KCNH8: variants seen among roughly 807,000 people sequenced by gnomAD.
KCNH8 encodes the protein potassium voltage-gated channel subfamily H member 8.
Under a neutral mutation model 103.6 loss-of-function variants are expected in KCNH8, and 70 were observed. That is an observed-to-expected ratio of 0.68 (90% CI 0.56 to 0.82). The LOEUF is 0.82. Among genes scored for constraint, KCNH8 ranks in the 40% least tolerant of loss-of-function variants. KCNH8 has a pLI of 0.00. For missense variants in KCNH8, 1,217 were observed against 1,329.9 expected, an observed-to-expected ratio of 0.92 and a Z score of 1.32; for synonymous variants, 498 against 489.4, an observed-to-expected ratio of 1.02 and a Z score of -0.23.
intron 1 of KCNH8, among the ~76,000 whole-genome samples, chr3:19,244,301 C>T (rs543321650): frequency 6.6e-6 from 1 of 152,228 alleles, no homozygotes; most frequent in East Asian, 1.9e-4. Flanking sequence ...TTTGCAAAGG[C>T]AGGAGAAAAG....
intron 3 of KCNH8, among the ~76,000 whole-genome samples, chr3:19,290,379 G>T (rs2064901646): frequency 6.6e-6 from 1 of 152,048 alleles, no homozygotes; most frequent in African/African-American, 2.4e-5. Context: ...ATTGGCTGTG[G>T]GTTTGTCATA....
At chr3:19,190,648 T>C (rs981725850) in intron 1 of KCNH8, among the ~76,000 whole-genome samples, 5 of 151,940 alleles carry the variant, frequency 3.3e-5, no homozygotes, top group Non-Finnish European at 5.9e-5. Context: ...GCCTGATGGA[T>C]TTAATGTGGA....
intron 7 of KCNH8, among the ~76,000 whole-genome samples, chr3:19,417,172 TATTAA>T (rs764191395): frequency 6.9e-4 from 103 of 148,816 alleles, no homozygotes; most frequent in Admixed American, 1.2e-3. Flanking sequence ...ATCTAATATA[TATTAA>T]ATTAGATATT....
chr3:19,399,656 T>C (rs1257659604), intron 7 of KCNH8, among the ~76,000 whole-genome samples: 2 of 151,958 alleles, frequency 1.3e-5, no homozygotes, highest in South Asian at 2.1e-4. Context: ...TAGTGTGTGC[T>C]TGCAGTTGGT....
At chr3:19,412,655 C>T (rs1020811082) in intron 7 of KCNH8, among the ~76,000 whole-genome samples, 56 of 151,448 alleles carry the variant, frequency 3.7e-4, no homozygotes, top group Admixed American at 3.6e-3. Flanking sequence ...AGTCTAATGT[C>T]GAAGATATGT....
chr3:19,532,140 C>A (rs566312430), intron 15 of KCNH8, among the ~76,000 whole-genome samples: 1 of 152,134 alleles, frequency 6.6e-6, no homozygotes, highest in East Asian at 1.9e-4. Context: ...CTGATGTGGT[C>A]GTTACGAAAA....
chr3:19,223,607 G>A (rs927064497), intron 1 of KCNH8, among the ~76,000 whole-genome samples: 2 of 152,102 alleles, frequency 1.3e-5, no homozygotes, highest in African/African-American at 4.8e-5. Context: ...GGATTCCACT[G>A]TGCTTTCTAG....
chr3:19,481,634 A>G (rs558450241), intron 11 of KCNH8, among the ~76,000 whole-genome samples: 11 of 152,336 alleles, frequency 7.2e-5, no homozygotes, highest in South Asian at 2.1e-4. Context: ...TCTGTAATGT[A>G]TCACATTTCC....
chr3:19,460,696 A>C (rs1485090873), intron 11 of KCNH8, among the ~76,000 whole-genome samples: 1 of 152,170 alleles, frequency 6.6e-6, no homozygotes, highest in Non-Finnish European at 1.5e-5. Context: ...TCCTTCAAGA[A>C]GTTTCATATG....
At chr3:19,474,363 C>G (rs1369392452) in intron 11 of KCNH8, among the ~76,000 whole-genome samples, 2 of 152,126 alleles carry the variant, frequency 1.3e-5, no homozygotes, top group African/African-American at 4.8e-5. Context: ...TGGAGGCCTC[C>G]AGTTTGATCA....
At chr3:19,305,963 A>T (rs921281384) in intron 3 of KCNH8, among the ~76,000 whole-genome samples, 1 of 152,080 alleles carries the variant, frequency 6.6e-6, no homozygotes, top group Non-Finnish European at 1.5e-5. Flanking sequence ...TAAAAAATAA[A>T]AAAATGGCAA....
At chr3:19,298,921 C>CAAAAAAAAAAAAA (rs56304109) in intron 3 of KCNH8, among the ~76,000 whole-genome samples, 2 of 77,078 alleles carry the variant, frequency 2.6e-5, no homozygotes, top group Non-Finnish European at 4.8e-5. Flanking sequence ...GACTCCGTCT[C>CAAAAAAAAAAAAA]AAAAAAAAAA....
chr3:19,187,088 T>TC (rs1291531755), intron 1 of KCNH8, among the ~76,000 whole-genome samples: 1 of 152,016 alleles, frequency 6.6e-6, no homozygotes, highest in Non-Finnish European at 1.5e-5. Context: ...AAAATGTTGT[T>TC]CTTTTTGTTT....
At chr3:19,416,897 C>T (rs911829067) in intron 7 of KCNH8, among the ~76,000 whole-genome samples, 1 of 152,084 alleles carries the variant, frequency 6.6e-6, no homozygotes, top group Non-Finnish European at 1.5e-5. Context: ...TTACTTCTGT[C>T]TTTCTCCCTG....
At chr3:19,252,806 A>G (rs2064296352) in intron 1 of KCNH8, among the ~76,000 whole-genome samples, 2 of 152,144 alleles carry the variant, frequency 1.3e-5, no homozygotes, top group Non-Finnish European at 2.9e-5. Context: ...AGTAAATAAC[A>G]TTATTATTAT....
intron 11 of KCNH8, among the ~76,000 whole-genome samples, chr3:19,494,825 T>C (rs1280886985): frequency 6.6e-5 from 10 of 152,336 alleles, no homozygotes; most frequent in Admixed American, 2.6e-4. Context: ...ACCAACAGTA[T>C]ATAAGTGTTC....
chr3:19,370,631 T>A (rs1290506081), intron 5 of KCNH8, among the ~76,000 whole-genome samples: 2 of 152,214 alleles, frequency 1.3e-5, no homozygotes, highest in African/African-American at 4.8e-5. Flanking sequence ...AATTATACTT[T>A]AAGTTTTAGG....
At chr3:19,297,665 TA>T (rs2065013502) in intron 3 of KCNH8, among the ~76,000 whole-genome samples, 1 of 152,216 alleles carries the variant, frequency 6.6e-6, no homozygotes, top group African/African-American at 2.4e-5. Flanking sequence ...TTCAATTTTC[TA>T]ATGTACCTAC....
Position 19,185,683 on chromosome 3 carries a change from G to GGTATTTAGGTA in KCNH8, c.76+36888_76+36889insGTATTTAGGTA, listed in dbSNP as rs571337342. Among the ~76,000 whole-genome samples the GGTATTTAGGTA allele has an allele frequency of 7.7e-3, 1,167 of 152,014 alleles. 12 individuals carry two copies. Among genetic ancestry groups the GGTATTTAGGTA allele is most frequent in the African/African-American group, 0.026 (1,076 of 41,522 alleles). On this transcript the variant is annotated intron_variant, in intron 1 of 15. Coordinates refer to ENST00000328405, the MANE Select transcript of KCNH8 (RefSeq NM_144633.3). ...GGACCATTTATCACTGTAATTGATA[G>GGTATTTAGGTA]TTTAGGTATTTAGCATGCTTATGCT...
Sources: gnomAD v4.1 joint callset for allele counts (sites outside exome capture counted in the v4.1 genomes callset) on GRCh38, gnomAD v4.1.1 for gene constraint, MANE v1.5 for transcripts, NCBI Gene and HGNC (gene_info 2026-07-23, HGNC 2026-07-21) for gene names.